Variants in SLC30A7 observed in about 807,000 individuals in gnomAD.
The protein encoded by SLC30A7 is zinc transporter 7.
Under a neutral mutation model 46.0 loss-of-function variants are expected in SLC30A7, and 35 were observed. The ratio of observed to expected loss-of-function variants is 0.76; its 90% CI spans 0.58 to 1.01. The LOEUF is 1.01. Ranked by LOEUF, SLC30A7 falls within the 50% of genes least tolerant of loss-of-function variation. The probability of loss-of-function intolerance (pLI) is 0.00; values close to 1 mark genes in which losing one functional copy is unlikely to be tolerated. For synonymous variants in SLC30A7, 147 were observed against 157.8 expected (o/e 0.93, Z 0.51); for missense variants, 464 against 451.1 (o/e 1.03, Z -0.26).
At position 100,901,146 on chromosome 1, in the gene SLC30A7, A is replaced by G. The variant is rs533264814; in HGVS notation, c.182+4475A>G. Among the ~76,000 whole-genome samples the G allele has an allele frequency of 2.6e-5, 4 of 152,352 alleles. No homozygotes were observed. The East Asian group carries it at 7.7e-4, about 29-fold the overall frequency. On this transcript the variant is annotated intron_variant, in intron 2 of 10. Transcript: ENST00000357650. ...TAACCCAAAACCATTATCACCCATG[A>G]AAATTAATGACTCATTAATATCCAG... is the stretch of plus-strand genomic sequence containing the variant.
chr1:100,934,483 A>G (rs369419323), intron 8 of SLC30A7, among the ~76,000 whole-genome samples: 1 of 152,134 alleles, frequency 6.6e-6, no homozygotes, highest in African/African-American at 2.4e-5. Context: ...TATTATCCAG[A>G]TAAACTGCTT....
At chr1:100,925,948 CCACCCCTT>C (rs1653272577) in intron 8 of SLC30A7, among the ~76,000 whole-genome samples, 1 of 152,098 alleles carries the variant, frequency 6.6e-6, no homozygotes, top group Non-Finnish European at 1.5e-5. Context: ...GCCACAATTC[CCACCCCTT>C]CTGTTTTCCT....
At chr1:100,964,233 A>G (rs758467932) in intron 9 of SLC30A7, among the ~76,000 whole-genome samples, 1 of 105,918 alleles carries the variant, frequency 9.4e-6, no homozygotes, top group Non-Finnish European at 2.1e-5. Flanking sequence ...TGTTTTATAT[A>G]TATATATGTA....
At chr1:100,924,586 C>A (rs1653162706) in intron 8 of SLC30A7, among the ~76,000 whole-genome samples, 1 of 151,662 alleles carries the variant, frequency 6.6e-6, no homozygotes, top group Admixed American at 6.6e-5. Flanking sequence ...CTTACCATAG[C>A]CTATTTGTTA....
intron 2 of SLC30A7, among the ~76,000 whole-genome samples, chr1:100,900,238 T>A (rs1488755748): frequency 6.6e-6 from 1 of 152,250 alleles, no homozygotes; most frequent in Non-Finnish European, 1.5e-5. Context: ...TTCAGTAGTA[T>A]TTCTTACCAA....
chr1:100,984,377 G>A (rs1657150724), downstream of SLC30A7, among the ~76,000 whole-genome samples: 1 of 152,188 alleles, frequency 6.6e-6, no homozygotes, highest in South Asian at 2.1e-4. Flanking sequence ...AGGAAGTGGA[G>A]AGATTATGGA....
At chr1:100,958,184 CTT>C (rs764499081) in intron 8 of SLC30A7, among the ~76,000 whole-genome samples, 1 of 148,018 alleles carries the variant, frequency 6.8e-6, no homozygotes, top group East Asian at 2.0e-4. Context: ...TTGTTGTTTT[CTT>C]TTTTTTTTGA....
chr1:100,955,868 C>T (rs74785044), intron 8 of SLC30A7, among the ~76,000 whole-genome samples: 3 of 152,020 alleles, frequency 2.0e-5, no homozygotes, highest in African/African-American at 2.4e-5. Flanking sequence ...TTAGCAAGTA[C>T]CTTTATTCTC....
the SLC30A7 span, among the ~76,000 whole-genome samples, chr1:100,993,585 T>TCC: frequency 9.0e-6 from 1 of 111,360 alleles, no homozygotes; most frequent in South Asian, 2.6e-4. Context: ...TATATATATA[T>TCC]ATATATATAT....
At chr1:100,916,607 A>G (rs1254891962) in intron 6 of SLC30A7, among the ~76,000 whole-genome samples, 3 of 152,076 alleles carry the variant, frequency 2.0e-5, no homozygotes, top group Non-Finnish European at 4.4e-5. Flanking sequence ...ATTACAAACA[A>G]TCCAGTTACA....
chr1:100,983,735 TGTG>T (rs1009599136), downstream of SLC30A7, among the ~76,000 whole-genome samples: 4 of 152,194 alleles, frequency 2.6e-5, no homozygotes, highest in Non-Finnish European at 4.4e-5. Context: ...ATTGTTTAAA[TGTG>T]GTATTTTTTA....
intron 8 of SLC30A7, chr1:100,941,798 A>G: frequency 1.7e-6 from 1 of 590,204 alleles, no homozygotes; most frequent in Non-Finnish European, 3.2e-6. Flanking sequence ...AAGCCCCTGG[A>G]GTGGCATACG....
intron 5 of SLC30A7, among the ~76,000 whole-genome samples, chr1:100,912,604 A>G (rs1652180039): frequency 6.6e-6 from 1 of 152,122 alleles, no homozygotes; most frequent in African/African-American, 2.4e-5. Flanking sequence ...CAGATGGATC[A>G]CTTGAATCCA....
chr1:100,901,878 A>G (rs1043167549), intron 2 of SLC30A7, among the ~76,000 whole-genome samples: 110 of 152,220 alleles, frequency 7.2e-4, no homozygotes, highest in African/African-American at 2.4e-3. Context: ...TTACTTTATC[A>G]TGGTTTACTG....
rs568558318 is a variant in SLC30A7 at position 100,939,475 on chromosome 1, A to G, written c.842+17634A>G. 1.1e-4 allele frequency among the ~76,000 whole-genome samples: 17 copies of G among 152,246 alleles called. No homozygotes were observed. The South Asian group carries it at 3.5e-3, about 32-fold the overall frequency. ...TAAATGAGTAAAATTTACACAAGGA[A>G]TTTAAACCCTTTAAAAAACACAGAA... On this transcript the variant is annotated intron_variant, in intron 8 of 10. Transcript: ENST00000357650.
intron 6 of SLC30A7, 39 bp from the exon 7 acceptor site, chr1:100,918,038 A>C (rs1652694963): frequency 1.3e-6 from 2 of 1,552,550 alleles, no homozygotes; most frequent in Non-Finnish European, 1.8e-6. Flanking sequence ...TTGAATGAGG[A>C]ATTGAAAACA....
chr1:100,896,347 G>A lies in SLC30A7; in HGVS notation c.80+5G>A. ...CAAGATCTCGGGCTGGTTTAGGTGC[G>A]GGGTGCTGTGTTTGCGGGGAGGGGG... On this transcript the variant is annotated splice_donor_5th_base_variant and intron_variant, in intron 1 of 10. Coordinates refer to ENST00000357650, the MANE Select transcript of SLC30A7 (RefSeq NM_133496.5). 6.2e-7 allele frequency: 1 copy of A among 1,614,094 alleles called. No individual in the cohort carries two copies. Among genetic ancestry groups the A allele is most frequent in the Non-Finnish European group, 8.5e-7 (1 of 1,179,992 alleles).
chr1:100,918,215 A>G (rs1193999517), intron 7 of SLC30A7, 88 bp downstream of exon 7: 1 of 1,105,158 alleles, frequency 9.0e-7, no homozygotes, highest in Non-Finnish European at 1.4e-6. Flanking sequence ...TTCCTTTAAG[A>G]AAAATATAAA....
intron 8 of SLC30A7, among the ~76,000 whole-genome samples, chr1:100,953,412 A>G (rs1012045167): frequency 3.3e-5 from 5 of 152,180 alleles, no homozygotes; most frequent in African/African-American, 1.2e-4. Context: ...CTGGGCTAAT[A>G]CTTGTCATTT....
Sources: gnomAD v4.1 joint callset for allele counts (sites outside exome capture counted in the v4.1 genomes callset) on GRCh38, gnomAD v4.1.1 for gene constraint, MANE v1.5 for transcripts, NCBI Gene and HGNC (gene_info 2026-07-23, HGNC 2026-07-21) for gene names.